WDR27: variants seen among roughly 807,000 people sequenced by gnomAD.
WDR27 encodes WD repeat domain 27, also known as WD repeat-containing protein 27.
Under a neutral mutation model 114.4 loss-of-function variants are expected in WDR27, and 100 were observed. The ratio of observed to expected loss-of-function variants is 0.87; its 90% CI spans 0.74 to 1.03. The LOEUF (loss-of-function observed/expected upper bound fraction) is 1.03. Ranked by LOEUF, WDR27 falls within the 50% of genes least tolerant of loss-of-function variation. The pLI, the probability that WDR27 is intolerant of heterozygous loss-of-function variation, is 0.00. For missense variants in WDR27, 1,129 were observed against 1,092.9 expected (o/e 1.03, Z -0.47); for synonymous variants, 449 against 423.1 (o/e 1.06, Z -0.75).
intron 1 of WDR27, among the ~76,000 whole-genome samples, chr6:169,690,795 C>T (rs548952586): frequency 2.0e-5 from 3 of 152,284 alleles, no homozygotes; most frequent in Middle Eastern, 3.4e-3. Flanking sequence ...AAGGTGTGAC[C>T]GTTCAGTACC....
At chr6:169,672,516 T>C in intron 2 of WDR27, 120 bp from the exon 3 acceptor site, 1 of 1,040,614 alleles carries the variant, frequency 9.6e-7, no homozygotes, top group Non-Finnish European at 1.3e-6. Context: ...TTATCTTACA[T>C]ATTCATTGTT....
chr6:169,571,233 A>G (rs1037535791), intron 25 of WDR27, among the ~76,000 whole-genome samples: 23 of 150,396 alleles, frequency 1.5e-4, no homozygotes, highest in Admixed American at 4.7e-4. Context: ...TAAATTTCAC[A>G]CCCACATACC....
At chr6:169,596,006 A>G (rs1377249218) in intron 23 of WDR27, among the ~76,000 whole-genome samples, 1 of 152,098 alleles carries the variant, frequency 6.6e-6, no homozygotes, top group South Asian at 2.1e-4. Context: ...TCTTTCCCTT[A>G]TAAGCATTTG....
intron 16 of WDR27, among the ~76,000 whole-genome samples, chr6:169,646,309 T>C (rs79728466): frequency 0.055 from 8,357 of 152,258 alleles, 315 homozygotes; most frequent in East Asian, 0.095. Context: ...CAGGAAAAGC[T>C]GCACCCAAAA....
At chr6:169,555,197 C>A (rs1456888218) in intron 25 of WDR27, among the ~76,000 whole-genome samples, 1 of 152,152 alleles carries the variant, frequency 6.6e-6, no homozygotes, top group African/African-American at 2.4e-5. Flanking sequence ...GCATCTAAAG[C>A]CTGCGATGGA....
chr6:169,469,103 A>C (rs1466771407), intron 25 of WDR27, among the ~76,000 whole-genome samples: 1 of 152,222 alleles, frequency 6.6e-6, no homozygotes, highest in African/African-American at 2.4e-5. Context: ...TTGAGGAAAT[A>C]CAAGTGCTTC....
chr6:169,611,933 G>A (rs1020783770), intron 22 of WDR27, among the ~76,000 whole-genome samples: 5 of 151,898 alleles, frequency 3.3e-5, no homozygotes, highest in African/African-American at 9.7e-5. Context: ...TCAGGAGTTC[G>A]AGACCAACCT....
chr6:169,533,408 G>A (rs920126613), intron 25 of WDR27, among the ~76,000 whole-genome samples: 1 of 152,042 alleles, frequency 6.6e-6, no homozygotes, highest in Non-Finnish European at 1.5e-5. Flanking sequence ...TTTTTTGCAT[G>A]GAAATAACAA....
At chr6:169,485,646 T>C (rs983890882) in intron 25 of WDR27, among the ~76,000 whole-genome samples, 30 of 152,184 alleles carry the variant, frequency 2.0e-4, no homozygotes, top group African/African-American at 7.0e-4. Flanking sequence ...AACCCAGTAA[T>C]CCCATTGTTG....
chr6:169,516,548 G>C (rs917593745), intron 25 of WDR27, among the ~76,000 whole-genome samples: 1 of 152,106 alleles, frequency 6.6e-6, no homozygotes, highest in Non-Finnish European at 1.5e-5. Context: ...TGTTTTAGTT[G>C]CTGCTTCCTG....
intron 25 of WDR27, among the ~76,000 whole-genome samples, chr6:169,519,480 G>T (rs865863973): frequency 6.6e-6 from 1 of 152,160 alleles, no homozygotes; most frequent in Non-Finnish European, 1.5e-5. Context: ...CAAAGCAGGA[G>T]CTGGCACATT....
At chr6:169,680,503 A>T (rs1781223463) in intron 2 of WDR27, among the ~76,000 whole-genome samples, 1 of 152,114 alleles carries the variant, frequency 6.6e-6, no homozygotes, top group South Asian at 2.1e-4. Flanking sequence ...AATGACGTGA[A>T]CCCGGGAGGC....
chr6:169,652,094 A>C lies in WDR27; in HGVS notation c.1403-86T>G. 10 of 1,195,444 alleles carry C rather than the reference A, an allele frequency of 8.4e-6. No homozygotes were observed. In the South Asian group the frequency reaches 1.4e-4, roughly 17 times the overall value. The allele number at this position is 1,195,444 out of a possible 1,614,324, so 74.1% of individuals were successfully genotyped here. A position where few individuals can be genotyped will look rare whatever the true frequency, so the allele number is the denominator to read the frequency against. On this transcript the variant is annotated intron_variant, in intron 13 of 25. Coordinates refer to ENST00000448612, the MANE Select transcript of WDR27 (RefSeq NM_182552.5). ...ATGAGAAGAACAGAGTCTCTTCAAA[A>C]CAGAAACATTCACACAAACAGAATG...
rs1827591879 is a variant in WDR27, at chr6:169,665,501, C to G, written c.768G>C (p.Gly256=). The change falls in exon 7 of 26, where the codon GGG becomes GGC. Residue 256 remains glycine (G), a synonymous_variant. Coordinates refer to ENST00000448612, the MANE Select transcript of WDR27 (RefSeq NM_182552.5). Reference sequence around the variant, plus strand: ...GCTGTCTCACCTGGCCGTCAGCACACCCGGTGACCAGCTGCCTGCTTTCTG... The same window carrying G: ...GCTGTCTCACCTGGCCGTCAGCACAGCCGGTGACCAGCTGCCTGCTTTCTG... ...IDAESRQLVT[G]CADGQLWIFS... The G allele has an allele frequency of 6.2e-7, 1 of 1,613,748 alleles. No individual in the cohort carries two copies. Among genetic ancestry groups the G allele is most frequent in the African/African-American group, 1.3e-5 (1 of 75,032 alleles).
intron 19 of WDR27, among the ~76,000 whole-genome samples, chr6:169,634,804 C>A (rs1038492063): frequency 6.6e-6 from 1 of 152,192 alleles, no homozygotes; most frequent in East Asian, 1.9e-4. Context: ...AATGCACCAG[C>A]CTTTTTCTAT....
chr6:169,686,023 C>T (rs752991816), intron 2 of WDR27, among the ~76,000 whole-genome samples: 1 of 152,162 alleles, frequency 6.6e-6, no homozygotes, highest in East Asian at 1.9e-4. Context: ...CCTTACAGTT[C>T]AGGAGAGAAC....
Position 169,457,315 on chromosome 6 carries a change from T to C in WDR27, c.*277A>G, listed in dbSNP as rs371203302. 7.4e-5 allele frequency: 24 copies of C among 325,290 alleles called. No individual in the cohort carries two copies. The highest frequency in any genetic ancestry group is 7.6e-4 in the Middle Eastern group (1 of 1,324). 20.2% of individuals were successfully genotyped at this position (325,290 alleles called of 1,614,324 possible). ...TATATTATGTTTTATTGAAAGATAT[T>C]TTGTTTTAACTTTACCAAATTCTGT... On this transcript the variant is annotated 3_prime_UTR_variant, in exon 26 of 26. Transcript: ENST00000448612.
chr6:169,563,832 C>T (rs888748089), intron 25 of WDR27, among the ~76,000 whole-genome samples: 4 of 152,186 alleles, frequency 2.6e-5, no homozygotes, highest in Non-Finnish European at 4.4e-5. Flanking sequence ...AAGGAAGAGT[C>T]TGCAATTCTC....
chr6:169,605,389 A>G (rs1808931743), intron 22 of WDR27, among the ~76,000 whole-genome samples: 5 of 151,922 alleles, frequency 3.3e-5, no homozygotes. Flanking sequence ...AATACCTAGG[A>G]ATATAATTAA....
Sources: allele counts gnomAD v4.1 joint callset (sites outside exome capture counted in the v4.1 genomes callset), GRCh38; gene constraint gnomAD v4.1.1; transcripts MANE v1.5; gene names NCBI Gene and HGNC (gene_info 2026-07-23, HGNC 2026-07-21).